The following KCNMA1 variants were observed in gnomAD, a reference collection of about 807,000 sequenced individuals.
The protein encoded by KCNMA1 is Calcium-activated potassium channel subunit alpha-1.
KCNMA1 carries 29 observed loss-of-function variants against 140.0 expected under a neutral mutation model. The observed-to-expected ratio is 0.21, with a 90% CI of 0.15 to 0.28. KCNMA1 has a LOEUF of 0.28. Ranked by LOEUF, KCNMA1 falls within the 10% of genes least tolerant of loss-of-function variation. The pLI is 1.00. For missense variants in KCNMA1, 880 were observed against 1,602.2 expected, an observed-to-expected ratio of 0.55 and a Z score of 7.70; for synonymous variants, 612 against 611.9, an observed-to-expected ratio of 1.00 and a Z score of 0.00.
At chr10:77,548,050 T>G (rs1018587519) in intron 1 of KCNMA1, among the ~76,000 whole-genome samples, 1 of 151,978 alleles carries the variant, frequency 6.6e-6, no homozygotes, top group Non-Finnish European at 1.5e-5. Flanking sequence ...AACTTTCAGA[T>G]GTAGTTAGGC....
At chr10:76,931,006 G>A (rs2059140102) in intron 23 of KCNMA1, among the ~76,000 whole-genome samples, 1 of 152,126 alleles carries the variant, frequency 6.6e-6, no homozygotes, top group African/African-American at 2.4e-5. Context: ...GGGGAATGGG[G>A]AGATGTTGGT....
chr10:77,636,959 G>C (rs930347995), intron 1 of KCNMA1: 2 of 1,412,692 alleles, frequency 1.4e-6, no homozygotes, highest in Non-Finnish European at 1.8e-6. Context: ...CACGGCACCC[G>C]AGCCTGTGAG....
chr10:77,039,640 A>G lies in KCNMA1; in HGVS notation c.1750-3T>C, dbSNP rs369035808. 23 of 1,553,594 alleles carry G rather than the reference A, an allele frequency of 1.5e-5. No individual in the cohort carries two copies. Among genetic ancestry groups the G allele is most frequent in the Non-Finnish European group, 2.0e-5 (22 of 1,124,752 alleles). ...TTCTGCCATGTGTCTTCCTCAATCTAAAGGAAAGGAACACATGCGGAGAGT... is the reference window on the plus strand; with the variant it reads ...TTCTGCCATGTGTCTTCCTCAATCTGAAGGAAAGGAACACATGCGGAGAGT... On this transcript the variant is annotated splice_region_variant and splice_polypyrimidine_tract_variant and intron_variant, in intron 14 of 27. Transcript: ENST00000286628.
intron 1 of KCNMA1, among the ~76,000 whole-genome samples, chr10:77,526,163 G>T (rs569663841): frequency 1.3e-5 from 2 of 152,298 alleles, no homozygotes; most frequent in African/African-American, 4.8e-5. Context: ...GGACAGTAGG[G>T]TGAAGAAAAG....
intron 3 of KCNMA1, among the ~76,000 whole-genome samples, chr10:77,186,777 A>ATGTGTGTGTGTG (rs10594438): frequency 3.4e-5 from 5 of 145,110 alleles, no homozygotes; most frequent in Admixed American, 7.0e-5. Context: ...TAAAGAGTAA[A>ATGTGTGTGTGTG]TGTGTGTGTG....
intron 5 of KCNMA1, among the ~76,000 whole-genome samples, chr10:77,175,280 A>C (rs1401170275): frequency 6.6e-6 from 1 of 152,226 alleles, no homozygotes; most frequent in African/African-American, 2.4e-5. Flanking sequence ...TTAGACCCTG[A>C]ACCTCAGTTT....
chr10:77,253,233 T>C (rs184292793), intron 2 of KCNMA1, among the ~76,000 whole-genome samples: 7 of 152,248 alleles, frequency 4.6e-5, no homozygotes, highest in African/African-American at 1.7e-4. Context: ...GGGCCTCTTC[T>C]CCATTCATAA....
At chr10:77,467,237 G>GC (rs2098043637) in intron 1 of KCNMA1, among the ~76,000 whole-genome samples, 1 of 152,200 alleles carries the variant, frequency 6.6e-6, no homozygotes, top group Non-Finnish European at 1.5e-5. Flanking sequence ...GACTGTGTCA[G>GC]TTTTCATCTT....
chr10:76,921,094 T>C (rs2055572392), intron 23 of KCNMA1, among the ~76,000 whole-genome samples: 1 of 152,158 alleles, frequency 6.6e-6, no homozygotes, highest in Admixed American at 6.5e-5. Context: ...TGAAGGTAAG[T>C]GCTTCTCCCA....
At chr10:77,053,710 C>T (rs1039036765) in intron 14 of KCNMA1, among the ~76,000 whole-genome samples, 1 of 152,140 alleles carries the variant, frequency 6.6e-6, no homozygotes, top group Non-Finnish European at 1.5e-5. Flanking sequence ...CTTCTCCCAT[C>T]AGTGATCCAG....
intron 3 of KCNMA1, among the ~76,000 whole-genome samples, chr10:77,211,666 C>T (rs994969631): frequency 6.6e-6 from 1 of 152,056 alleles, no homozygotes; most frequent in Non-Finnish European, 1.5e-5. Context: ...AGTAAAAAGA[C>T]AACCTATAGA....
chr10:77,329,470 T>A (rs1427685607), intron 2 of KCNMA1, among the ~76,000 whole-genome samples: 1 of 152,214 alleles, frequency 6.6e-6, no homozygotes, highest in Admixed American at 6.5e-5. Flanking sequence ...AGGACTGCCA[T>A]CTATGAACCA....
At chr10:77,012,543 CAG>C (rs1409920106) in intron 17 of KCNMA1, 10 of 1,549,922 alleles carry the variant, frequency 6.5e-6, no homozygotes, top group African/African-American at 4.1e-5. Flanking sequence ...CAAAGGGAGA[CAG>C]AGTTGAGGAG....
chr10:77,101,868 A>G (rs2097105628), intron 9 of KCNMA1, among the ~76,000 whole-genome samples: 1 of 152,250 alleles, frequency 6.6e-6, no homozygotes. Context: ...AAGTCAGTAT[A>G]ACATGAAATC....
chr10:77,064,651 G>A (rs1186582987), intron 14 of KCNMA1, among the ~76,000 whole-genome samples: 3 of 152,168 alleles, frequency 2.0e-5, no homozygotes, highest in African/African-American at 4.8e-5. Context: ...TTTCAGGTGG[G>A]CATTAGTGGG....
At chr10:77,556,353 A>C (rs958394530) in intron 1 of KCNMA1, among the ~76,000 whole-genome samples, 7 of 151,820 alleles carry the variant, frequency 4.6e-5, no homozygotes, top group Admixed American at 6.6e-5. Flanking sequence ...GAAAATACAA[A>C]AACTAGCCAG....
At chr10:77,394,730 T>TTA (rs1434462896) in intron 2 of KCNMA1, among the ~76,000 whole-genome samples, 1 of 152,074 alleles carries the variant, frequency 6.6e-6, no homozygotes, top group East Asian at 1.9e-4. Flanking sequence ...GGGACAGATG[T>TTA]TATATCTTAT....
chr10:77,077,345 T>C (rs987832297), intron 13 of KCNMA1, among the ~76,000 whole-genome samples: 1 of 152,356 alleles, frequency 6.6e-6, no homozygotes, highest in Admixed American at 6.5e-5. Flanking sequence ...GGGATGGTTC[T>C]AAACAAAATG....
chr10:77,171,117 G>C (rs781050917), intron 5 of KCNMA1, among the ~76,000 whole-genome samples: 8 of 152,190 alleles, frequency 5.3e-5, no homozygotes, highest in Non-Finnish European at 8.8e-5. Context: ...AGATCTCAAA[G>C]TGTGGCCCCC....
Sources: gnomAD v4.1 joint callset for allele counts (sites outside exome capture counted in the v4.1 genomes callset) on GRCh38, gnomAD v4.1.1 for gene constraint, MANE v1.5 for transcripts, NCBI Gene and HGNC (gene_info 2026-07-23, HGNC 2026-07-21) for gene names.